Variants in GET3 observed in about 807,000 individuals in gnomAD.
GET3 encodes the protein ATPase GET3.
In GET3, 15 loss-of-function variants were observed where a neutral mutation model predicts 32.4. That is an observed-to-expected ratio of 0.46 (90% confidence interval 0.31 to 0.71). GET3 has a LOEUF of 0.71. Ranked by LOEUF, GET3 falls within the 30% of genes least tolerant of loss-of-function variation. The pLI is 0.05. For missense variants in GET3, 333 were observed against 459.0 expected (o/e 0.73, Z 2.51); for synonymous variants, 198 against 185.6 (o/e 1.07, Z -0.54).
chr19:12,745,470 G>A lies in GET3; in HGVS notation c.403G>A (p.Ala135Thr). 5 of 1,613,200 alleles carry A rather than the reference G, an allele frequency of 3.1e-6. No homozygotes were observed. The highest frequency in any genetic ancestry group is 4.2e-6 in the Non-Finnish European group (5 of 1,180,008). Residue 135 changes from alanine (A) to threonine (T), a missense_variant, in exon 3 of 7, where the codon GCC (alanine) becomes ACC (threonine). Coordinates refer to ENST00000357332, the MANE Select transcript of GET3 (RefSeq NM_004317.4). The surrounding 1 kb of genome is among the most constrained non-coding windows in gnomAD (Gnocchi z 5.0). The stretch of plus-strand genomic sequence containing the variant: ...CATGGGCAAGAAGATGATGCAGGAG[G>A]CCATGAGCGCATTTCCCGGCATCGA... The part of the protein sequence containing the change: ...LSMGKKMMQE[A>T]MSAFPGIDEA...
intron 2 of GET3, among the ~76,000 whole-genome samples, chr19:12,744,629 A>G (rs529577534): frequency 7.4e-4 from 112 of 152,216 alleles, no homozygotes; most frequent in African/African-American, 2.6e-3. Context: ...TGGATTCCCC[A>G]TATGTGCTGA....
At chr19:12,744,969 G>T (rs1967741375) in intron 2 of GET3, among the ~76,000 whole-genome samples, 1 of 152,070 alleles carries the variant, frequency 6.6e-6, no homozygotes, top group African/African-American at 2.4e-5. Flanking sequence ...GGTGTCGGTG[G>T]ATCTGTGCTG....
chr19:12,737,587 C>G lies in GET3; in HGVS notation c.82C>G (p.Leu28Val). Residue 28 changes from leucine (L) to valine (V), a missense_variant, in exon 1 of 7, where the codon CTT becomes GTT. Leu to Val is a conservative substitution (Grantham distance 32). Transcript: ENST00000357332. The part of the protein sequence containing the change: ...APDVEPLEPT[L>V]SNIIEQRSLK... ...TGATGTGGAGCCGCTGGAGCCTACA[C>G]TTAGCAACATCATCGAGCAGCGCAG... 6.2e-7 allele frequency: 1 copy of G among 1,612,350 alleles called. No homozygotes were observed. Among genetic ancestry groups the G allele is most frequent in the Non-Finnish European group, 8.5e-7 (1 of 1,179,452 alleles).
Position 12,737,542 on chromosome 19 carries a change from G to A in GET3, c.37G>A (p.Glu13Lys). The change falls in exon 1 of 7, where the codon GAG (glutamate) becomes AAG (lysine). Residue 13 changes from glutamate (E) to lysine (K), a missense_variant. By Grantham distance (56) the Glu-to-Lys change is moderately conservative. This residue lies in a region of GET3 where 64 missense variants were observed against 36.7 expected (regional missense o/e 1.74). Coordinates refer to ENST00000357332, the MANE Select transcript of GET3 (RefSeq NM_004317.4). ...AGVAGWGVEA[E>K]EFEDAPDVEP... Reference sequence around the variant, plus strand: ...GGTGGCCGGGTGGGGGGTTGAGGCAGAGGAGTTCGAAGATGCTCCTGATGT... The same window carrying A: ...GGTGGCCGGGTGGGGGGTTGAGGCAAAGGAGTTCGAAGATGCTCCTGATGT... 1 of 1,597,362 alleles carries A rather than the reference G, an allele frequency of 6.3e-7. No homozygotes were observed. The highest frequency in any genetic ancestry group is 8.5e-7 in the Non-Finnish European group (1 of 1,172,924).
rs151135241 is a variant in GET3 at position 12,745,487 on chromosome 19, C to T, written c.420C>T (p.Pro140=). 116 of 1,613,052 alleles carry T rather than the reference C, an allele frequency of 7.2e-5. 1 individual carries two copies. Among genetic ancestry groups the T allele is most frequent in the Admixed American group, 2.0e-4 (12 of 60,000 alleles). Residue 140 remains proline (P), a synonymous_variant, in exon 3 of 7, where the codon CCC becomes CCT. Coordinates refer to ENST00000357332, the MANE Select transcript of GET3 (RefSeq NM_004317.4). This position sits in a 1 kb window ranked among gnomAD's most constrained non-coding sequence, Gnocchi z 5.0. ...KMMQEAMSAF[P]GIDEAMSYAE... is the part of the protein sequence containing the mutation. The stretch of plus-strand genomic sequence containing the variant: ...TGCAGGAGGCCATGAGCGCATTTCC[C>T]GGCATCGATGAGGCCATGAGCTATG...
chr19:12,738,806 A>T (rs1967616492), intron 2 of GET3, 148 bp downstream of exon 2: 1 of 1,134,492 alleles, frequency 8.8e-7, no homozygotes, highest in Non-Finnish European at 1.2e-6. Flanking sequence ...TCACAAGGGA[A>T]CCAATGAGGA....
intron 1 of GET3, 46 bp downstream of exon 1, chr19:12,737,712 C>A: frequency 6.4e-7 from 1 of 1,557,604 alleles, no homozygotes; most frequent in Non-Finnish European, 8.6e-7. Context: ...GGATATACCA[C>A]TGGGCGAAGG....
At position 12,748,165 on chromosome 19, in the gene GET3, C is replaced by CG; in HGVS notation, c.*65dup. On this transcript the variant is annotated 3_prime_UTR_variant, in exon 7 of 7. Coordinates refer to ENST00000357332, the MANE Select transcript of GET3 (RefSeq NM_004317.4). ...TCACCCTCCACCCTCCCCACCCCCT[C>CG]GGGGCAGAGTTTGCACAAAGTCCCC... 6.7e-7 allele frequency: 1 copy of CG among 1,484,606 alleles called. No homozygotes were observed. The highest frequency in any genetic ancestry group is 2.0e-5 in the Admixed American group (1 of 49,222). The allele number at this position is 1,484,606 out of a possible 1,614,324, so 92.0% of individuals were successfully genotyped here. A position where few individuals can be genotyped will look rare whatever the true frequency, so the allele number is the denominator to read the frequency against.
intron 2 of GET3, among the ~76,000 whole-genome samples, chr19:12,743,882 A>G (rs1359644651): frequency 7.2e-6 from 1 of 139,516 alleles, no homozygotes; most frequent in Non-Finnish European, 1.6e-5. Flanking sequence ...GGCACCCGCC[A>G]CCTCGCCCGG....
Position 12,745,036 on chromosome 19 carries a change from A to C in GET3, c.310-341A>C, listed in dbSNP as rs1410425089. Among the ~76,000 whole-genome samples, 2 of 152,080 alleles carry C rather than the reference A, an allele frequency of 1.3e-5. No homozygotes were observed. Among genetic ancestry groups the C allele is most frequent in the African/African-American group, 4.8e-5 (2 of 41,418 alleles). Reference sequence around the variant, plus strand: ...GAGGGATGATGATCCGGAAGAGGTCATGGCCCAGTCATGGGAGTATCTGGG... The same window carrying C: ...GAGGGATGATGATCCGGAAGAGGTCCTGGCCCAGTCATGGGAGTATCTGGG... On this transcript the variant is annotated intron_variant, in intron 2 of 6. Transcript: ENST00000357332. The surrounding 1 kb of genome is among the most constrained non-coding windows in gnomAD (Gnocchi z 5.0).
intron 2 of GET3, among the ~76,000 whole-genome samples, chr19:12,744,835 G>A (rs1394600778): frequency 6.6e-6 from 1 of 152,096 alleles, no homozygotes; most frequent in Non-Finnish European, 1.5e-5. Context: ...CCAGGCTGGT[G>A]TCCAACTCCT....
In GET3 at chr19:12,738,521, G is replaced by T. The variant is rs757147947; in HGVS notation, c.172G>T (p.Ala58Ser). The T allele has an allele frequency of 6.2e-7, 1 of 1,614,032 alleles. No individual in the cohort carries two copies. ...VGKTTCSCSL[A>S]VQLSKGRESV... ...TTTTCCATTACTCAGCTGCAGCCTGGCAGTCCAGCTCTCCAAGGGGCGTGA... is the reference window on the plus strand; with the variant it reads ...TTTTCCATTACTCAGCTGCAGCCTGTCAGTCCAGCTCTCCAAGGGGCGTGA... Residue 58 changes from alanine to serine, a missense_variant, in exon 2 of 7, where the codon GCA becomes TCA. Around this residue, in one of 3 missense-constraint regions of GET3, gnomAD observed 230 missense variants for 389.2 expected, o/e 0.59. Coordinates refer to ENST00000357332, the MANE Select transcript of GET3 (RefSeq NM_004317.4).
rs374714389 is a variant in GET3, at chr19:12,745,606, C to A, written c.459-3C>A. The A allele has an allele frequency of 6.2e-7, 1 of 1,612,736 alleles. No individual in the cohort carries two copies. Among genetic ancestry groups the A allele is most frequent in the Non-Finnish European group, 8.5e-7 (1 of 1,179,954 alleles). ...AGAGGGCCTGACCCCTGTCTCCCCTCAGGCTGGTGAAGGGCATGAACTTCT... is the reference window on the plus strand; with the variant it reads ...AGAGGGCCTGACCCCTGTCTCCCCTAAGGCTGGTGAAGGGCATGAACTTCT... On this transcript the variant is annotated splice_polypyrimidine_tract_variant and splice_region_variant and intron_variant, in intron 3 of 6. Coordinates refer to ENST00000357332, the MANE Select transcript of GET3 (RefSeq NM_004317.4). This position sits in a 1 kb window ranked among gnomAD's most constrained non-coding sequence, Gnocchi z 5.0.
Position 12,742,291 on chromosome 19 carries a change from G to C in GET3, c.310-3086G>C, listed in dbSNP as rs1376922499. On this transcript the variant is annotated intron_variant, in intron 2 of 6. Transcript: ENST00000357332. ...CTGTCACCCAGGCTGGAGTGCAGTG[G>C]TGTGATCTCAGCTCACTGCAACCTC... 2.0e-5 allele frequency among the ~76,000 whole-genome samples: 3 copies of C among 151,114 alleles called. No individual in the cohort carries two copies. In the South Asian group the frequency reaches 6.3e-4, roughly 32 times the overall value.
At chr19:12,746,575 A>G (rs928852028) in intron 4 of GET3, among the ~76,000 whole-genome samples, 3 of 152,198 alleles carry the variant, frequency 2.0e-5, no homozygotes, top group African/African-American at 7.2e-5. Context: ...AACACTGAGC[A>G]CTTACTGTGT....
Position 12,747,568 on chromosome 19 carries a change from GA to G in GET3, c.892del (p.Ile298SerfsTer19), listed in dbSNP as rs770022782. On this transcript the variant is annotated frameshift_variant, in exon 6 of 7. Transcript: ENST00000357332. LOFTEE classifies it high-confidence loss of function. This position sits in a 1 kb window ranked among gnomAD's most constrained non-coding sequence, Gnocchi z 4.0. ...GCAAGATGTGTGAGGCCCGTCACAAGATCCAGGCCAAGTATCTGGACCAGGT... is the reference window on the plus strand; with the variant it reads ...GCAAGATGTGTGAGGCCCGTCACAAGTCCAGGCCAAGTATCTGGACCAGGT... The part of the protein sequence containing the change: ...PCKMCEARHK[I>X]QAKYLDQMED... 1 of 1,613,350 alleles carries G rather than the reference GA, an allele frequency of 6.2e-7. No homozygotes were observed. Among genetic ancestry groups the G allele is most frequent in the South Asian group, 1.1e-5 (1 of 91,040 alleles).
chr19:12,745,317 C>G lies in GET3; in HGVS notation c.310-60C>G. 5.1e-6 allele frequency: 8 copies of G among 1,582,998 alleles called. No homozygotes were observed. In the South Asian group the frequency reaches 7.9e-5, roughly 16 times the overall value. ...GGAAGGCTCCCCCTGGCCCTGTGCC[C>G]AGGTGGGAAGGCTCCCCCAGCAGTA... On this transcript the variant is annotated intron_variant, in intron 2 of 6. Transcript: ENST00000357332. This position sits in a 1 kb window ranked among gnomAD's most constrained non-coding sequence, Gnocchi z 5.0.
rs1967595414 is a variant in GET3 at position 12,737,562 on chromosome 19, T to A, written c.57T>A (p.Pro19=). 1 of 1,609,350 alleles carries A rather than the reference T, an allele frequency of 6.2e-7. No homozygotes were observed. Among genetic ancestry groups the A allele is most frequent in the Admixed American group, 1.7e-5 (1 of 59,216 alleles). ...AGGCAGAGGAGTTCGAAGATGCTCCTGATGTGGAGCCGCTGGAGCCTACAC... is the reference window on the plus strand; with the variant it reads ...AGGCAGAGGAGTTCGAAGATGCTCCAGATGTGGAGCCGCTGGAGCCTACAC... ...GVEAEEFEDA[P]DVEPLEPTLS... is the part of the protein sequence containing the mutation. The change falls in exon 1 of 7, where the codon CCT becomes CCA. Residue 19 remains proline (P), a synonymous_variant. Coordinates refer to ENST00000357332, the MANE Select transcript of GET3 (RefSeq NM_004317.4).
At position 12,747,009 on chromosome 19, in the gene GET3, CAAAA is replaced by C. The variant is rs764695800; in HGVS notation, c.610-175_610-172del. On this transcript the variant is annotated intron_variant, in intron 4 of 6. Coordinates refer to ENST00000357332, the MANE Select transcript of GET3 (RefSeq NM_004317.4). The surrounding 1 kb of genome is among the most constrained non-coding windows in gnomAD (Gnocchi z 4.0). Reference sequence around the variant, plus strand: ...TGGGCAACAGAGTGAGACTCCATTTCAAAAAAAAAAAAAAAAGAAAGAAAGAAAT... The same window carrying C: ...TGGGCAACAGAGTGAGACTCCATTTCAAAAAAAAAAAAGAAAGAAAGAAAT... 5.1e-4 allele frequency among the ~76,000 whole-genome samples: 55 copies of C among 108,580 alleles called. 1 individual carries two copies. The South Asian group carries it at 0.011, about 21-fold the overall frequency. 71.2% of individuals were successfully genotyped at this position (108,580 alleles called of 152,430 possible). A position where few individuals can be genotyped will look rare whatever the true frequency, so the allele number is the denominator to read the frequency against.
Sources: allele counts gnomAD v4.1 joint callset (sites outside exome capture counted in the v4.1 genomes callset), GRCh38; gene constraint gnomAD v4.1.1; regional missense constraint gnomAD v4.1.1; non-coding constraint Gnocchi (gnomAD v3.1); transcripts MANE v1.5; gene names NCBI Gene and HGNC (gene_info 2026-07-23, HGNC 2026-07-21).